Variants in KLHL8 observed in about 807,000 individuals in gnomAD.
KLHL8 encodes the protein kelch-like protein 8.
A neutral mutation model predicts 63.5 loss-of-function variants in KLHL8; 38 were observed. The observed-to-expected ratio is 0.60, with a 90% confidence interval of 0.46 to 0.78. The LOEUF (loss-of-function observed/expected upper bound fraction) is 0.78. Among genes scored for constraint, KLHL8 ranks in the 30% least tolerant of loss-of-function variants. The pLI is 0.00. For missense variants in KLHL8, 566 were observed against 752.4 expected, an observed-to-expected ratio of 0.75 and a Z score of 2.90; for synonymous variants, 224 against 254.3, an observed-to-expected ratio of 0.88 and a Z score of 1.13.
At chr4:87,207,575 T>C in intron 1 of KLHL8, 1 of 1,178,278 alleles carries the variant, frequency 8.5e-7, no homozygotes, top group Non-Finnish European at 1.3e-6. Context: ...GCCAATGTCA[T>C]CCATGACAAC....
rs1004074492 is a variant in KLHL8, at chr4:87,170,766, G to C, written c.1209-151C>G. 5.5e-6 allele frequency: 4 copies of C among 733,320 alleles called. No individual in the cohort carries two copies. In the African/African-American group the frequency reaches 7.2e-5, roughly 13 times the overall value. The allele number at this position is 733,320 out of a possible 1,614,324, so 45.4% of individuals were successfully genotyped here. A position where few individuals can be genotyped will look rare whatever the true frequency, so the allele number is the denominator to read the frequency against. Reference sequence around the variant, plus strand: ...TATTTTTAGATCTATCAAAGCTTTTGACTAGATGGCTACAGAATTGCCAAA... The same window carrying C: ...TATTTTTAGATCTATCAAAGCTTTTCACTAGATGGCTACAGAATTGCCAAA... On this transcript the variant is annotated intron_variant, in intron 6 of 9. Transcript: ENST00000273963.
intron 1 of KLHL8, among the ~76,000 whole-genome samples, chr4:87,226,573 C>T (rs1371089331): frequency 4.2e-4 from 38 of 90,664 alleles, no homozygotes; most frequent in Admixed American, 8.4e-4. Context: ...CTCTCGCTCT[C>T]TCTCTCTCTC....
chr4:87,207,486 C>T (rs1422666140), intron 1 of KLHL8: 87 of 772,780 alleles, frequency 1.1e-4, no homozygotes, highest in Admixed American at 7.5e-4. Flanking sequence ...TAGTGATGGG[C>T]ATGAACCATG....
chr4:87,164,061 G>A lies in KLHL8; in HGVS notation c.1556C>T (p.Ser519Phe). 1 of 1,613,946 alleles carries A rather than the reference G, an allele frequency of 6.2e-7. No homozygotes were observed. Among genetic ancestry groups the A allele is most frequent in the Non-Finnish European group, 8.5e-7 (1 of 1,179,884 alleles). The change falls in exon 9 of 10, where the codon TCT becomes TTT. Residue 519 changes from serine (S) to phenylalanine (F), a missense_variant. By Grantham distance (155) the Ser-to-Phe change is radical. Coordinates refer to ENST00000273963, the MANE Select transcript of KLHL8 (RefSeq NM_020803.5). ...ATACCGCTCAACTGAACTCAGAGGA[G>A]AATTATCATCAAAACCACCTATGTA... ...LYVVGGFDDNSPLSSVERYDP... is the reference protein window; with the variant it reads ...LYVVGGFDDNFPLSSVERYDP...
chr4:87,219,570 T>C (rs1285451716), intron 1 of KLHL8: 1 of 152,222 alleles, frequency 6.6e-6, no homozygotes, highest in African/African-American at 2.4e-5. Context: ...GTCACCCGAT[T>C]AAACACTGCC....
chr4:87,186,257 A>T (rs1049394274), intron 2 of KLHL8, among the ~76,000 whole-genome samples: 10 of 151,984 alleles, frequency 6.6e-5, no homozygotes, highest in African/African-American at 2.4e-4. Flanking sequence ...CACGTTGGCC[A>T]GGTTGGTCTT....
upstream of KLHL8, among the ~76,000 whole-genome samples, chr4:87,221,770 C>CA (rs1160983771): frequency 2.0e-5 from 3 of 151,996 alleles, no homozygotes; most frequent in Non-Finnish European, 2.9e-5. Flanking sequence ...AAAAAAATCA[C>CA]ATTTTTTACA....
At chr4:87,176,726 C>A (rs1247459692) in intron 6 of KLHL8, 31 bp downstream of exon 6, 2 of 1,203,434 alleles carry the variant, frequency 1.7e-6, no homozygotes, top group Admixed American at 2.1e-5. Flanking sequence ...TTTCCACCAT[C>A]AGTTCAAAAT....
chr4:87,197,268 G>A (rs547661445), intron 1 of KLHL8, among the ~76,000 whole-genome samples: 1 of 123,368 alleles, frequency 8.1e-6, no homozygotes, highest in African/African-American at 2.7e-5. Flanking sequence ...TTACATTATA[G>A]AATACAGTAT....
intron 1 of KLHL8, among the ~76,000 whole-genome samples, chr4:87,208,369 CT>C (rs1011114394): frequency 2.4e-3 from 348 of 142,136 alleles, no homozygotes; most frequent in Admixed American, 3.2e-3. Context: ...TTCTTTTTTT[CT>C]TTTTTTTTTT....
intron 2 of KLHL8, 39 bp downstream of exon 2, chr4:87,195,285 T>C (rs1387992157): frequency 1.3e-6 from 2 of 1,535,462 alleles, no homozygotes; most frequent in Non-Finnish European, 1.8e-6. Context: ...CATATTACAC[T>C]GAAGAGGCCT....
chr4:87,218,117 C>T (rs939135657), intron 1 of KLHL8, among the ~76,000 whole-genome samples: 3 of 152,132 alleles, frequency 2.0e-5, no homozygotes, highest in Non-Finnish European at 2.9e-5. Context: ...GATTTTGGCT[C>T]TGTAGGGGTA....
chr4:87,218,774 G>A (rs1578405409), intron 1 of KLHL8, among the ~76,000 whole-genome samples: 1 of 151,634 alleles, frequency 6.6e-6, no homozygotes. Flanking sequence ...TCACTCTGTC[G>A]CCCAGGCTGG....
chr4:87,195,699 T>A lies in KLHL8; in HGVS notation c.-151-9A>T. On this transcript the variant is annotated splice_polypyrimidine_tract_variant and intron_variant, in intron 1 of 9. Coordinates refer to ENST00000273963, the MANE Select transcript of KLHL8 (RefSeq NM_020803.5). ...TGTACAGTTTGCTGTGACTGAAAAATCAACAATAAAACAGGTAGAGACAAA... is the reference window on the plus strand; with the variant it reads ...TGTACAGTTTGCTGTGACTGAAAAAACAACAATAAAACAGGTAGAGACAAA... 1 of 566,662 alleles carries A rather than the reference T, an allele frequency of 1.8e-6. No individual in the cohort carries two copies. Among genetic ancestry groups the A allele is most frequent in the Non-Finnish European group, 3.1e-6 (1 of 325,770 alleles). 35.1% of individuals were successfully genotyped at this position (566,662 alleles called of 1,614,324 possible).
chr4:87,163,828 A>T, intron 9 of KLHL8, 50 bp downstream of exon 9: 1 of 1,564,746 alleles, frequency 6.4e-7, no homozygotes, highest in Non-Finnish European at 8.8e-7. Context: ...GAAGTAATCT[A>T]CTATTATACC....
chr4:87,163,764 A>G (rs1730267811), intron 9 of KLHL8, 114 bp downstream of exon 9: 1 of 1,522,364 alleles, frequency 6.6e-7, no homozygotes, highest in Non-Finnish European at 9.0e-7. Flanking sequence ...CCAGTGGGAG[A>G]TAAGATATCC....
At chr4:87,169,672 G>C (rs1730561320) in intron 8 of KLHL8, among the ~76,000 whole-genome samples, 1 of 152,100 alleles carries the variant, frequency 6.6e-6, no homozygotes, top group Non-Finnish European at 1.5e-5. Context: ...GACCAGCCTG[G>C]GCAACACAGC....
chr4:87,161,475 T>C lies in KLHL8; in HGVS notation c.*2044A>G, dbSNP rs975180896. On this transcript the variant is annotated 3_prime_UTR_variant, in exon 10 of 10. Transcript: ENST00000273963. ...CTTAGTATGTTAGATAACCATTGTA[T>C]AGTAAAAACCAGAAATGAAAATATA... 3 of 152,172 alleles carry C rather than the reference T, an allele frequency of 2.0e-5. No individual in the cohort carries two copies. Among genetic ancestry groups the C allele is most frequent in the Admixed American group, 6.5e-5 (1 of 15,280 alleles). The allele number at this position is 152,172 out of a possible 1,614,324, so 9.4% of individuals were successfully genotyped here. A position where few individuals can be genotyped will look rare whatever the true frequency, so the allele number is the denominator to read the frequency against.
upstream of KLHL8, among the ~76,000 whole-genome samples, chr4:87,223,227 G>A (rs949661557): frequency 3.3e-5 from 5 of 151,920 alleles, no homozygotes; most frequent in African/African-American, 1.2e-4. Flanking sequence ...GCCTTTCTTG[G>A]CCTCCCAAAG....
Sources: allele counts gnomAD v4.1 joint callset (sites outside exome capture counted in the v4.1 genomes callset), GRCh38; gene constraint gnomAD v4.1.1; transcripts MANE v1.5; gene names NCBI Gene and HGNC (gene_info 2026-07-23, HGNC 2026-07-21).